The following OXR1 variants were observed in gnomAD, a reference collection of about 807,000 sequenced individuals.
OXR1 encodes the protein oxidation resistance 1.
A neutral mutation model predicts 104.6 loss-of-function variants in OXR1; 41 were observed. The ratio of observed to expected loss-of-function variants is 0.39; its 90% confidence interval spans 0.31 to 0.51. OXR1 has a LOEUF of 0.51. OXR1 is among the 20% of genes least tolerant of loss of function. The pLI, the probability that OXR1 is intolerant of heterozygous loss-of-function variation, is 0.77. For missense variants in OXR1, 955 were observed against 1,031.9 expected, an observed-to-expected ratio of 0.93 and a Z score of 1.02; for synonymous variants, 348 against 348.4, an observed-to-expected ratio of 1.00 and a Z score of 0.01.
chr8:106,734,616 C>T (rs981673454), intron 11 of OXR1, among the ~76,000 whole-genome samples: 4 of 152,264 alleles, frequency 2.6e-5, no homozygotes, highest in South Asian at 2.1e-4. Context: ...AAGAGATGAA[C>T]GTGTTCTTAA....
intron 3 of OXR1, among the ~76,000 whole-genome samples, chr8:106,615,911 TAGTA>T (rs1821180541): frequency 3.3e-5 from 5 of 151,992 alleles, no homozygotes; most frequent in Non-Finnish European, 2.9e-5. Flanking sequence ...ACATTACACA[TAGTA>T]AGTCATTGTT....
At chr8:106,495,370 A>G (rs1811347000) in intron 2 of OXR1, among the ~76,000 whole-genome samples, 1 of 152,188 alleles carries the variant, frequency 6.6e-6, no homozygotes, top group Non-Finnish European at 1.5e-5. Flanking sequence ...AATTCTATAA[A>G]TAGAGAGAGA....
At chr8:106,429,598 T>C (rs1380625482) in intron 2 of OXR1, among the ~76,000 whole-genome samples, 1 of 150,096 alleles carries the variant, frequency 6.7e-6, no homozygotes, top group Admixed American at 6.7e-5. Context: ...AGATGGAGGT[T>C]GCAGTGAGCC....
intron 11 of OXR1, among the ~76,000 whole-genome samples, chr8:106,723,529 G>A (rs902392358): frequency 2.2e-4 from 32 of 146,622 alleles, no homozygotes; most frequent in East Asian, 8.4e-4. Flanking sequence ...AAAATTAGCC[G>A]GGCGTGGTGG....
intron 2 of OXR1, among the ~76,000 whole-genome samples, chr8:106,399,585 T>C (rs1254161679): frequency 6.6e-6 from 1 of 152,184 alleles, no homozygotes; most frequent in Non-Finnish European, 1.5e-5. Flanking sequence ...TGAAGTATTA[T>C]ATGTGACATT....
intron 3 of OXR1, among the ~76,000 whole-genome samples, chr8:106,590,747 T>C (rs1351318514): frequency 2.0e-5 from 3 of 152,164 alleles, no homozygotes; most frequent in African/African-American, 4.8e-5. Flanking sequence ...TAAATACTAG[T>C]AAATGCAAAA....
intron 3 of OXR1, among the ~76,000 whole-genome samples, chr8:106,571,900 A>G (rs1221003688): frequency 6.6e-6 from 1 of 152,198 alleles, no homozygotes; most frequent in African/African-American, 2.4e-5. Flanking sequence ...AGCAAGGCAA[A>G]TATCATCAGA....
At chr8:106,747,272 T>A (rs1277576776) in intron 16 of OXR1, among the ~76,000 whole-genome samples, 1 of 152,228 alleles carries the variant, frequency 6.6e-6, no homozygotes, top group Non-Finnish European at 1.5e-5. Context: ...TAAACCAGTT[T>A]TGTAGAGAGA....
At position 106,578,462 on chromosome 8, in the gene OXR1, T is replaced by G. The variant is rs1189110934; in HGVS notation, c.220+59323T>G. On this transcript the variant is annotated intron_variant, in intron 3 of 16. Coordinates refer to ENST00000517566, the MANE Select transcript of OXR1 (RefSeq NM_001198533.2). ...GTATAAGTTAACAGGGATACTCATA[T>G]GGTAACTCCGATAGAAGCTATCCAA... is the stretch of plus-strand genomic sequence containing the variant. Among the ~76,000 whole-genome samples the G allele has an allele frequency of 2.0e-5, 3 of 152,372 alleles. No individual in the cohort carries two copies. In the South Asian group the frequency reaches 6.2e-4, roughly 32 times the overall value.
At chr8:106,345,085 C>T (rs1815422109) in intron 1 of OXR1, among the ~76,000 whole-genome samples, 1 of 152,216 alleles carries the variant, frequency 6.6e-6, no homozygotes, top group Non-Finnish European at 1.5e-5. Flanking sequence ...TGTTTGTCTG[C>T]TTCTCTTATG....
chr8:106,662,681 A>G (rs1825878464), intron 3 of OXR1, among the ~76,000 whole-genome samples: 1 of 152,320 alleles, frequency 6.6e-6, no homozygotes, highest in East Asian at 1.9e-4. Flanking sequence ...AGTTGGGAAA[A>G]TAGACATTGG....
intron 3 of OXR1, among the ~76,000 whole-genome samples, chr8:106,626,407 C>T (rs1472784569): frequency 6.6e-6 from 1 of 150,838 alleles, no homozygotes; most frequent in African/African-American, 2.4e-5. Flanking sequence ...ACATGTCATT[C>T]TCTGTATGGC....
At chr8:106,617,446 G>C (rs998942558) in intron 3 of OXR1, among the ~76,000 whole-genome samples, 1 of 151,946 alleles carries the variant, frequency 6.6e-6, no homozygotes, top group African/African-American at 2.4e-5. Context: ...AAGGGGGGTG[G>C]GTGCTAAGTA....
At chr8:106,691,402 C>T (rs921912080) in intron 6 of OXR1, among the ~76,000 whole-genome samples, 2 of 151,872 alleles carry the variant, frequency 1.3e-5, no homozygotes, top group African/African-American at 4.8e-5. Context: ...GGTAATTCCT[C>T]TGAACAACTT....
intron 10 of OXR1, among the ~76,000 whole-genome samples, chr8:106,711,602 G>T (rs911997783): frequency 6.6e-6 from 1 of 152,066 alleles, no homozygotes; most frequent in African/African-American, 2.4e-5. Flanking sequence ...ACAGTAAAGG[G>T]TTTAAGGTTT....
intron 3 of OXR1, among the ~76,000 whole-genome samples, chr8:106,558,096 A>T (rs994760214): frequency 1.3e-5 from 2 of 152,124 alleles, no homozygotes; most frequent in Non-Finnish European, 2.9e-5. Context: ...CTAAACTTCC[A>T]TTTCACCATG....
intron 2 of OXR1, among the ~76,000 whole-genome samples, chr8:106,482,608 T>C (rs1822200543): frequency 6.6e-6 from 1 of 152,062 alleles, no homozygotes. Context: ...AAATATGATG[T>C]AATTAATAAA....
Position 106,707,131 on chromosome 8 carries a change from A to G in OXR1, c.1610A>G (p.Asp537Gly). The change falls in exon 9 of 17, where the codon GAT becomes GGT. Residue 537 changes from aspartate (D) to glycine (G), a missense_variant. By Grantham distance (94) the Asp-to-Gly change is moderately conservative (BLOSUM62 -1). Around this residue, in one of 2 missense-constraint regions of OXR1, gnomAD observed 849 missense variants for 852.9 expected, o/e 1.00. Transcript: ENST00000517566. Reference protein sequence around the residue: ...KEAKHKITSADGHIESSALLK... With the variant: ...KEAKHKITSAGGHIESSALLK... ...GCTAAGCATAAAATTACATCTGCTG[A>G]TGGACACATAGAAAGTAAGTGTTAT... 2 of 1,613,344 alleles carry G rather than the reference A, an allele frequency of 1.2e-6. No individual in the cohort carries two copies. The highest frequency in any genetic ancestry group is 8.5e-7 in the Non-Finnish European group (1 of 1,179,422).
At chr8:106,622,238 C>A (rs780497644) in intron 3 of OXR1, among the ~76,000 whole-genome samples, 2 of 152,084 alleles carry the variant, frequency 1.3e-5, no homozygotes, top group African/African-American at 2.4e-5. Flanking sequence ...ACTGCTTCCT[C>A]CTCGGTCCAA....
Sources: gnomAD v4.1 joint callset for allele counts (sites outside exome capture counted in the v4.1 genomes callset) on GRCh38, gnomAD v4.1.1 for gene constraint, gnomAD v4.1.1 regional missense constraint, MANE v1.5 for transcripts, NCBI Gene and HGNC (gene_info 2026-07-23, HGNC 2026-07-21) for gene names.